CPVL: variants seen among roughly 807,000 people sequenced by gnomAD.
CPVL encodes the protein carboxypeptidase vitellogenic like.
CPVL carries 51 observed loss-of-function variants against 63.7 expected under a neutral mutation model. That is an observed-to-expected ratio of 0.80 (90% confidence interval 0.64 to 1.01). The LOEUF is 1.01. Among genes scored for constraint, CPVL ranks in the 50% least tolerant of loss-of-function variants. The pLI is 0.00. For synonymous variants in CPVL, 195 were observed against 206.0 expected, an observed-to-expected ratio of 0.95 and a Z score of 0.46; for missense variants, 530 against 573.1, an observed-to-expected ratio of 0.92 and a Z score of 0.77.
intron 5 of CPVL, among the ~76,000 whole-genome samples, chr7:29,170,874 A>T (rs1796507728): frequency 6.6e-6 from 1 of 152,116 alleles, no homozygotes; most frequent in Admixed American, 6.5e-5. Flanking sequence ...TGTGCAGGAA[A>T]ACTTCCCCTT....
chr7:29,040,037 ATCTG>A (rs1265196625), intron 11 of CPVL, among the ~76,000 whole-genome samples: 1 of 152,018 alleles, frequency 6.6e-6, no homozygotes, highest in Non-Finnish European at 1.5e-5. Context: ...GTTGGCCTCT[ATCTG>A]TCTTAGTTTT....
At chr7:29,112,659 C>T (rs754305462) in intron 3 of CPVL, 45 bp downstream of exon 3, 1 of 1,306,080 alleles carries the variant, frequency 7.7e-7, no homozygotes, top group Non-Finnish European at 1.1e-6. Context: ...CCTCAAACGG[C>T]AAGCCAGGTC....
At chr7:29,155,088 C>T (rs1794163387) in intron 5 of CPVL, among the ~76,000 whole-genome samples, 1 of 152,056 alleles carries the variant, frequency 6.6e-6, no homozygotes, top group African/African-American at 2.4e-5. Context: ...CAGCACAGGA[C>T]CTGCCCCCAT....
chr7:29,015,646 A>G (rs1786334443), intron 12 of CPVL, among the ~76,000 whole-genome samples: 1 of 152,158 alleles, frequency 6.6e-6, no homozygotes. Context: ...CTCTTTTCTT[A>G]GAAATTACCC....
chr7:28,997,148 G>C (rs901080382), intron 12 of CPVL, among the ~76,000 whole-genome samples: 24 of 152,228 alleles, frequency 1.6e-4, no homozygotes, highest in Non-Finnish European at 2.9e-4. Context: ...AAAAGGGCAA[G>C]GACTGACACT....
Position 29,183,107 on chromosome 7 carries a change from G to A in CPVL, c.-134+1314C>T, listed in dbSNP as rs532572397. Among the ~76,000 whole-genome samples the A allele has an allele frequency of 3.4e-5, 5 of 146,208 alleles. No homozygotes were observed. In the South Asian group the frequency reaches 8.7e-4, roughly 25 times the overall value. ...TTTTTTTTTTTTTTTTTTTTGAAACGGAGTTTCGCTTTTGTTGCCTAGGCT... is the reference window on the plus strand; with the variant it reads ...TTTTTTTTTTTTTTTTTTTTGAAACAGAGTTTCGCTTTTGTTGCCTAGGCT... On this transcript the variant is annotated intron_variant, in intron 4 of 16. Transcript: ENST00000409850.
intron 11 of CPVL, among the ~76,000 whole-genome samples, chr7:29,041,804 C>T (rs1789119542): frequency 6.6e-6 from 1 of 151,894 alleles, no homozygotes; most frequent in Non-Finnish European, 1.5e-5. Context: ...ATTCTGAAGA[C>T]TCAGTACAAA....
chr7:29,103,180 T>C (rs113449039), intron 3 of CPVL, among the ~76,000 whole-genome samples: 1,389 of 56,024 alleles, frequency 0.025, 47 homozygotes, highest in Non-Finnish European at 0.037. Flanking sequence ...GTTAATATAC[T>C]GGGGGGGGGG....
rs757918560 is a variant in CPVL, at chr7:29,065,994, C to T, written c.963+29G>A. Reference sequence around the variant, plus strand: ...GGTTTTGCCAAAAGTTTTAAGCAAACATTATTATGGTTTTTAAAATGTCAT... The same window carrying T: ...GGTTTTGCCAAAAGTTTTAAGCAAATATTATTATGGTTTTTAAAATGTCAT... On this transcript the variant is annotated intron_variant, in intron 10 of 12. Transcript: ENST00000265394. 4 of 1,370,106 alleles carry T rather than the reference C, an allele frequency of 2.9e-6. No homozygotes were observed. In the South Asian group the frequency reaches 3.8e-5, roughly 13 times the overall value. 84.9% of individuals were successfully genotyped at this position (1,370,106 alleles called of 1,614,324 possible). A position where few individuals can be genotyped will look rare whatever the true frequency, so the allele number is the denominator to read the frequency against.
chr7:29,016,587 G>T (rs1786433478), intron 12 of CPVL, among the ~76,000 whole-genome samples: 1 of 152,116 alleles, frequency 6.6e-6, no homozygotes, highest in Middle Eastern at 3.2e-3. Context: ...AGGACATTTT[G>T]GGAGAAGCCC....
At chr7:29,057,128 A>C (rs1219162755) in intron 11 of CPVL, among the ~76,000 whole-genome samples, 3 of 150,974 alleles carry the variant, frequency 2.0e-5, no homozygotes, top group African/African-American at 7.3e-5. Flanking sequence ...TAAATTAATT[A>C]ATTATTTTTA....
chr7:29,172,710 C>T lies in CPVL; in HGVS notation c.-11+8580G>A, dbSNP rs533622496. Among the ~76,000 whole-genome samples the T allele has an allele frequency of 8.6e-4, 131 of 152,158 alleles. 1 individual carries two copies. Among genetic ancestry groups the T allele is most frequent in the Middle Eastern group, 3.4e-3 (1 of 294 alleles). On this transcript the variant is annotated intron_variant, in intron 5 of 16. Transcript: ENST00000409850. The stretch of plus-strand genomic sequence containing the variant: ...TTTTGACATACAGTCATCTGACCAA[C>T]GATTTCAAGAATCATTAATGTTAAT...
chr7:29,101,589 C>T lies in CPVL; in HGVS notation c.289-5372G>A, dbSNP rs143202458. Among the ~76,000 whole-genome samples the T allele has an allele frequency of 9.0e-3, 1,371 of 152,086 alleles. 17 individuals are homozygous for T. The highest frequency in any genetic ancestry group is 0.031 in the African/African-American group (1,278 of 41,484). ...CAGCCTGGGCGACAGAGCGAGACTC[C>T]GTCTCAAAACAAAAAAAGCTTTAAA... On this transcript the variant is annotated intron_variant, in intron 3 of 12. Coordinates refer to ENST00000265394, the MANE Select transcript of CPVL (RefSeq NM_031311.5).
At chr7:29,158,389 A>G (rs868555704) in intron 5 of CPVL, among the ~76,000 whole-genome samples, 8 of 152,212 alleles carry the variant, frequency 5.3e-5, no homozygotes, top group Non-Finnish European at 1.0e-4. Flanking sequence ...AACATGTAAC[A>G]TGATGTCTGA....
intron 3 of CPVL, among the ~76,000 whole-genome samples, chr7:29,098,060 T>C (rs1584254859): frequency 6.6e-6 from 1 of 152,084 alleles, no homozygotes; most frequent in South Asian, 2.1e-4. Context: ...CGTTGGATGG[T>C]TAGTCAGCAA....
intron 1 of CPVL, among the ~76,000 whole-genome samples, chr7:29,124,734 A>G (rs981919143): frequency 5.9e-5 from 9 of 152,266 alleles, no homozygotes; most frequent in African/African-American, 1.7e-4. Context: ...TTATTAGGTA[A>G]AGAAAAGCAG....
chr7:29,176,078 C>T (rs891142313), intron 5 of CPVL, among the ~76,000 whole-genome samples: 1 of 151,590 alleles, frequency 6.6e-6, no homozygotes, highest in Non-Finnish European at 1.5e-5. Flanking sequence ...CCCAGCTACT[C>T]GGGAGGCTGA....
At chr7:29,166,347 T>A (rs1795920280) in intron 5 of CPVL, among the ~76,000 whole-genome samples, 1 of 152,212 alleles carries the variant, frequency 6.6e-6, no homozygotes, top group Admixed American at 6.5e-5. Flanking sequence ...CAAAGTGTTT[T>A]ATCCTCTTTG....
intron 1 of CPVL, among the ~76,000 whole-genome samples, chr7:29,191,190 C>T (rs1288982102): frequency 6.6e-6 from 1 of 152,174 alleles, no homozygotes; most frequent in Non-Finnish European, 1.5e-5. Flanking sequence ...CCTCAACTTA[C>T]TGAGTCACTG....
Sources: allele counts gnomAD v4.1 joint callset (sites outside exome capture counted in the v4.1 genomes callset), GRCh38; gene constraint gnomAD v4.1.1; transcripts MANE v1.5; gene names NCBI Gene and HGNC (gene_info 2026-07-23, HGNC 2026-07-21).